PKD1L1: variants seen among roughly 807,000 people sequenced by gnomAD.
PKD1L1 encodes the protein polycystin 1 like 1, transient receptor potential channel interacting, also known as polycystin-1-like protein 1.
A neutral mutation model predicts 323.4 loss-of-function variants in PKD1L1; 236 were observed. The observed-to-expected ratio is 0.73, with a 90% confidence interval of 0.66 to 0.81. PKD1L1 has a LOEUF of 0.81. PKD1L1 is among the 40% of genes least tolerant of loss of function. PKD1L1 has a pLI of 0.00. For missense variants in PKD1L1, 3,320 were observed against 3,508.0 expected, an observed-to-expected ratio of 0.95 and a Z score of 1.35; for synonymous variants, 1,344 against 1,335.0, an observed-to-expected ratio of 1.01 and a Z score of -0.15.
chr7:47,867,297 G>A (rs551472458), intron 24 of PKD1L1, among the ~76,000 whole-genome samples: 136 of 152,128 alleles, frequency 8.9e-4, no homozygotes, highest in Non-Finnish European at 1.7e-3. Flanking sequence ...GTGATTTATG[G>A]AGACTAAGAC....
intron 2 of PKD1L1, among the ~76,000 whole-genome samples, chr7:47,941,998 T>C (rs1339215550): frequency 6.6e-6 from 1 of 152,116 alleles, no homozygotes; most frequent in Non-Finnish European, 1.5e-5. Flanking sequence ...GGAAACTGAC[T>C]CTCCTAGTCT....
At chr7:47,910,740 C>T (rs1474237792) in intron 8 of PKD1L1, among the ~76,000 whole-genome samples, 3 of 151,590 alleles carry the variant, frequency 2.0e-5, no homozygotes, top group Admixed American at 1.3e-4. Context: ...TCACTGCAAC[C>T]TCTCCTCCTG....
intron 49 of PKD1L1, 79 bp from the exon 50 acceptor site, chr7:47,812,130 C>G: frequency 8.2e-7 from 1 of 1,225,280 alleles, no homozygotes; most frequent in Non-Finnish European, 1.2e-6. Flanking sequence ...AGCTGCAGGT[C>G]CCATGCTGGG....
chr7:47,905,087 T>C (rs190429420), intron 11 of PKD1L1, 70 bp downstream of exon 11: 94 of 1,512,976 alleles, frequency 6.2e-5, no homozygotes, highest in Non-Finnish European at 8.4e-5. Context: ...GGTAGCAGCA[T>C]GGTGATCTTC....
chr7:47,834,223 C>T, intron 40 of PKD1L1, 116 bp downstream of exon 40: 1 of 1,032,272 alleles, frequency 9.7e-7, no homozygotes, highest in Non-Finnish European at 1.5e-6. Flanking sequence ...GTGTCCGTCT[C>T]ACCTTGAGCC....
chr7:47,864,300 G>C (rs1380560610), intron 26 of PKD1L1, among the ~76,000 whole-genome samples: 3 of 152,162 alleles, frequency 2.0e-5, no homozygotes, highest in Admixed American at 2.0e-4. Flanking sequence ...GCCATAGTTA[G>C]ATTCACAGAC....
chr7:47,845,680 C>T (rs971436338), intron 32 of PKD1L1, among the ~76,000 whole-genome samples: 3 of 152,162 alleles, frequency 2.0e-5, no homozygotes, highest in African/African-American at 4.8e-5. Context: ...ACCTCTGCCT[C>T]CCAGGTTCAA....
At chr7:47,869,126 T>C (rs927059170) in intron 24 of PKD1L1, among the ~76,000 whole-genome samples, 1 of 152,088 alleles carries the variant, frequency 6.6e-6, no homozygotes, top group African/African-American at 2.4e-5. Flanking sequence ...AAATACATAA[T>C]AATCATTAAA....
In PKD1L1 at chr7:47,784,633, C is replaced by A. The variant is rs146355844; in HGVS notation, c.8526+7994G>T. 9.3e-3 allele frequency among the ~76,000 whole-genome samples: 1,415 copies of A among 152,064 alleles called. 11 individuals are homozygous for A. Among genetic ancestry groups the A allele is most frequent in the Non-Finnish European group, 0.016 (1,093 of 67,970 alleles). The stretch of plus-strand genomic sequence containing the variant: ...GATTACAGGCGCCCACCATTATGCC[C>A]GCTAATTTTTTGTATTTTTAGTAGA... On this transcript the variant is annotated intron_variant, in intron 56 of 56. Coordinates refer to ENST00000289672, the MANE Select transcript of PKD1L1 (RefSeq NM_138295.5).
chr7:47,855,647 C>T (rs1030164156), intron 28 of PKD1L1, among the ~76,000 whole-genome samples: 4 of 97,124 alleles, frequency 4.1e-5, no homozygotes, highest in Admixed American at 8.8e-5. Flanking sequence ...GAGGCCGAGG[C>T]GGGCGGATCA....
At chr7:47,826,250 T>A (rs1428578180) in intron 45 of PKD1L1, among the ~76,000 whole-genome samples, 4 of 152,154 alleles carry the variant, frequency 2.6e-5, no homozygotes, top group Non-Finnish European at 1.5e-5. Flanking sequence ...CCCACCTGAG[T>A]GCCTTTGGAG....
intron 56 of PKD1L1, among the ~76,000 whole-genome samples, chr7:47,782,194 C>A (rs569115675): frequency 6.6e-6 from 1 of 152,292 alleles, no homozygotes; most frequent in South Asian, 2.1e-4. Flanking sequence ...ATGTCACCTG[C>A]AGATTTTGAA....
chr7:47,808,526 G>A, intron 51 of PKD1L1, 139 bp from the exon 52 acceptor site: 1 of 1,034,174 alleles, frequency 9.7e-7, no homozygotes, highest in East Asian at 2.5e-5. Context: ...ATCGCTGGGT[G>A]ATTTTGTCCT....
chr7:47,894,447 C>T (rs1272666392), intron 14 of PKD1L1, among the ~76,000 whole-genome samples: 3 of 152,178 alleles, frequency 2.0e-5, no homozygotes, highest in Non-Finnish European at 4.4e-5. Context: ...CTTTCTAACC[C>T]CCAAACATAT....
At chr7:47,894,855 C>CAAAA (rs11417820) in intron 14 of PKD1L1, among the ~76,000 whole-genome samples, 2 of 125,712 alleles carry the variant, frequency 1.6e-5, no homozygotes, top group Non-Finnish European at 1.7e-5. Flanking sequence ...GAGACCCTGT[C>CAAAA]AAAAAAAAAA....
chr7:47,959,641 G>C, the PKD1L1 span, among the ~76,000 whole-genome samples: 1 of 121,398 alleles, frequency 8.2e-6, no homozygotes, highest in Non-Finnish European at 1.9e-5. Flanking sequence ...ACCCCATCCG[G>C]GAGGGAGGTG....
chr7:47,897,441 C>T (rs2128749840), intron 14 of PKD1L1, among the ~76,000 whole-genome samples: 1 of 152,326 alleles, frequency 6.6e-6, no homozygotes, highest in East Asian at 1.9e-4. Flanking sequence ...CCTCCCAATC[C>T]CTTTCTATGT....
intron 34 of PKD1L1, 131 bp downstream of exon 34, chr7:47,842,831 G>T: frequency 1.2e-6 from 1 of 854,794 alleles, no homozygotes; most frequent in Non-Finnish European, 1.8e-6. Flanking sequence ...GGGCGGGCAA[G>T]CTTTGCCTCA....
intron 23 of PKD1L1, 39 bp from the exon 24 acceptor site, chr7:47,874,049 T>G: frequency 7.6e-7 from 1 of 1,320,028 alleles, no homozygotes; most frequent in Non-Finnish European, 1.1e-6. Context: ...ATCTTGGACA[T>G]GTGGGTTACA....
Sources: allele counts gnomAD v4.1 joint callset (sites outside exome capture counted in the v4.1 genomes callset), GRCh38; gene constraint gnomAD v4.1.1; transcripts MANE v1.5; gene names NCBI Gene and HGNC (gene_info 2026-07-23, HGNC 2026-07-21).